Variants in THSD7B observed in about 807,000 individuals in gnomAD.
The protein encoded by THSD7B is thrombospondin type 1 domain containing 7B.
A neutral mutation model predicts 213.6 loss-of-function variants in THSD7B; 138 were observed. The ratio of observed to expected loss-of-function variants is 0.65; its 90% confidence interval spans 0.56 to 0.74. The LOEUF is 0.74. Among genes scored for constraint, THSD7B ranks in the 30% least tolerant of loss-of-function variants. The pLI is 0.00. For missense variants in THSD7B, 1,931 were observed against 1,991.5 expected, an observed-to-expected ratio of 0.97 and a Z score of 0.58; for synonymous variants, 742 against 687.0, an observed-to-expected ratio of 1.08 and a Z score of -1.25.
chr2:136,844,305 A>G (rs1482220982), intron 1 of THSD7B, among the ~76,000 whole-genome samples: 4 of 152,148 alleles, frequency 2.6e-5, no homozygotes, highest in Non-Finnish European at 5.9e-5. Context: ...ATCCAGAGGA[A>G]CAAGGGAGGG....
chr2:137,316,541 C>T lies in THSD7B; in HGVS notation c.2500+40515C>T, dbSNP rs111458862. Among the ~76,000 whole-genome samples the T allele has an allele frequency of 9.5e-3, 1,450 of 152,004 alleles. 26 individuals carry two copies. Among genetic ancestry groups the T allele is most frequent in the African/African-American group, 0.033 (1,380 of 41,436 alleles). On this transcript the variant is annotated intron_variant, in intron 12 of 27. Transcript: ENST00000409968. ...CTGTAATCCCAGCACTTTGGGAGGTCGAGGTGGGAGGATCACGAGGTCAAG... is the reference window on the plus strand; with the variant it reads ...CTGTAATCCCAGCACTTTGGGAGGTTGAGGTGGGAGGATCACGAGGTCAAG...
intron 15 of THSD7B, among the ~76,000 whole-genome samples, chr2:137,455,799 T>G (rs1010736985): frequency 2.0e-5 from 3 of 152,222 alleles, no homozygotes; most frequent in Non-Finnish European, 4.4e-5. Flanking sequence ...TCTAATGTGT[T>G]GAGTAGATTT....
intron 1 of THSD7B, among the ~76,000 whole-genome samples, chr2:136,869,099 A>T (rs1220128004): frequency 1.3e-5 from 2 of 152,108 alleles, no homozygotes; most frequent in African/African-American, 4.8e-5. Context: ...TATAATTTGT[A>T]AAAAAAGTTC....
chr2:137,493,350 C>T (rs188526310), intron 15 of THSD7B, among the ~76,000 whole-genome samples: 1 of 152,048 alleles, frequency 6.6e-6, no homozygotes, highest in Admixed American at 6.6e-5. Flanking sequence ...ATTATTTTGG[C>T]CACAAAGAGG....
intron 2 of THSD7B, among the ~76,000 whole-genome samples, chr2:137,035,190 C>A (rs536839720): frequency 1.3e-5 from 2 of 152,268 alleles, no homozygotes; most frequent in South Asian, 4.1e-4. Flanking sequence ...TATCATTAGG[C>A]CATCTTTGTT....
chr2:137,234,319 A>T (rs7569455), intron 9 of THSD7B, among the ~76,000 whole-genome samples: 62,473 of 151,928 alleles, frequency 0.41, 13,562 homozygotes, highest in African/African-American at 0.55. Context: ...AAACACTGAA[A>T]AATTTCATCT....
At chr2:136,792,136 G>C (rs1219383289) in intron 1 of THSD7B, among the ~76,000 whole-genome samples, 2 of 151,870 alleles carry the variant, frequency 1.3e-5, no homozygotes, top group Non-Finnish European at 2.9e-5. Flanking sequence ...GTGCATTTTT[G>C]CATGTCACAA....
chr2:136,999,576 G>T (rs1359917962), intron 2 of THSD7B, among the ~76,000 whole-genome samples: 1 of 151,518 alleles, frequency 6.6e-6, no homozygotes, highest in African/African-American at 2.4e-5. Context: ...AGCAGGTAAG[G>T]GATTAATTAA....
intron 1 of THSD7B, among the ~76,000 whole-genome samples, chr2:136,859,131 C>G (rs115606628): frequency 1.3e-5 from 2 of 152,308 alleles, no homozygotes; most frequent in African/African-American, 4.8e-5. Context: ...AATCAACTTA[C>G]TATTTCTGTA....
intron 15 of THSD7B, among the ~76,000 whole-genome samples, chr2:137,472,566 A>T (rs1688112910): frequency 6.6e-6 from 1 of 152,198 alleles, no homozygotes; most frequent in East Asian, 1.9e-4. Flanking sequence ...AAAAGAGCTG[A>T]ATTCTTATGT....
At chr2:136,771,339 T>C (rs1225467665) in intron 1 of THSD7B, among the ~76,000 whole-genome samples, 1 of 152,180 alleles carries the variant, frequency 6.6e-6, no homozygotes, top group African/African-American at 2.4e-5. Context: ...GGATCTCTTC[T>C]AGCTAAAACT....
intron 2 of THSD7B, among the ~76,000 whole-genome samples, chr2:136,985,658 A>G (rs567790243): frequency 6.6e-6 from 1 of 152,208 alleles, no homozygotes; most frequent in Non-Finnish European, 1.5e-5. Flanking sequence ...ACAGAAGGAA[A>G]GTGTGAGGCT....
At chr2:137,308,301 G>A (rs1248421112) in intron 12 of THSD7B, among the ~76,000 whole-genome samples, 1 of 151,974 alleles carries the variant, frequency 6.6e-6, no homozygotes, top group Non-Finnish European at 1.5e-5. Context: ...GATTTTACCG[G>A]CTGTGAGCTT....
intron 1 of THSD7B, among the ~76,000 whole-genome samples, chr2:136,783,924 G>A (rs945120755): frequency 6.6e-6 from 1 of 152,234 alleles, no homozygotes; most frequent in Non-Finnish European, 1.5e-5. Context: ...ATGCATGGCA[G>A]TTAGGACTTT....
intron 15 of THSD7B, among the ~76,000 whole-genome samples, chr2:137,510,311 T>G (rs1221559130): frequency 2.0e-5 from 3 of 152,194 alleles, no homozygotes; most frequent in African/African-American, 7.2e-5. Flanking sequence ...GCATCTTGAA[T>G]TGATTATAAT....
chr2:137,194,086 G>A (rs193067054), intron 7 of THSD7B, among the ~76,000 whole-genome samples: 19 of 152,180 alleles, frequency 1.2e-4, no homozygotes, highest in Non-Finnish European at 8.8e-5. Flanking sequence ...AACACAATAA[G>A]GAAATATAAG....
intron 17 of THSD7B, among the ~76,000 whole-genome samples, chr2:137,613,155 C>G (rs1207014351): frequency 6.6e-6 from 1 of 152,156 alleles, no homozygotes; most frequent in Non-Finnish European, 1.5e-5. Flanking sequence ...TTCTCCTCCC[C>G]TTGCTTGTTT....
chr2:136,996,423 C>T (rs1162149220), intron 2 of THSD7B, among the ~76,000 whole-genome samples: 1 of 151,774 alleles, frequency 6.6e-6, no homozygotes, highest in East Asian at 1.9e-4. Context: ...CTCATTGCAG[C>T]CTGAAACCCC....
At chr2:136,961,524 T>G (rs975704867) in intron 2 of THSD7B, among the ~76,000 whole-genome samples, 8 of 152,106 alleles carry the variant, frequency 5.3e-5, no homozygotes, top group Admixed American at 4.6e-4. Flanking sequence ...CCAGCCTGTA[T>G]TTTTCAATAT....
Sources: gnomAD v4.1 joint callset for allele counts (sites outside exome capture counted in the v4.1 genomes callset) on GRCh38, gnomAD v4.1.1 for gene constraint, MANE v1.5 for transcripts, NCBI Gene and HGNC (gene_info 2026-07-23, HGNC 2026-07-21) for gene names.